The following MYO1A variants were observed in gnomAD, a reference collection of about 807,000 sequenced individuals.
MYO1A encodes unconventional myosin-Ia.
A neutral mutation model predicts 138.5 loss-of-function variants in MYO1A; 127 were observed. That is an observed-to-expected ratio of 0.92 (90% CI 0.79 to 1.06). The LOEUF (loss-of-function observed/expected upper bound fraction) is 1.06. MYO1A is among the 50% of genes least tolerant of loss of function. The pLI, the probability that MYO1A is intolerant of heterozygous loss-of-function variation, is 0.00. For missense variants in MYO1A, 1,211 were observed against 1,288.8 expected, an observed-to-expected ratio of 0.94 and a Z score of 0.92; for synonymous variants, 477 against 497.5, an observed-to-expected ratio of 0.96 and a Z score of 0.55.
intron 22 of MYO1A, among the ~76,000 whole-genome samples, chr12:57,034,090 C>T (rs2030417728): frequency 6.6e-6 from 1 of 152,224 alleles, no homozygotes; most frequent in Non-Finnish European, 1.5e-5. Flanking sequence ...AAGTTCTGCC[C>T]TTTCCTATGC....
chr12:57,049,635 C>T (rs941967512), intron 1 of MYO1A, among the ~76,000 whole-genome samples: 35 of 152,212 alleles, frequency 2.3e-4, no homozygotes, highest in Non-Finnish European at 1.0e-4. Flanking sequence ...TTAGTGCTTA[C>T]AATATCCCCA....
Position 57,048,348 on chromosome 12 carries a change from G to C in MYO1A, c.-20-5C>G. ...TGTCCAGAGGGGCCACTGATCCTGG[G>C]AATAAGAGGCACAGTTTGCTGATGT... is the stretch of plus-strand genomic sequence containing the variant. On this transcript the variant is annotated splice_polypyrimidine_tract_variant and splice_region_variant and intron_variant, in intron 1 of 27. Coordinates refer to ENST00000300119, the MANE Select transcript of MYO1A (RefSeq NM_005379.4). 6.5e-7 allele frequency: 1 copy of C among 1,544,526 alleles called. No homozygotes were observed. The highest frequency in any genetic ancestry group is 9.0e-7 in the Non-Finnish European group (1 of 1,117,056).
In MYO1A at chr12:57,045,165, T is replaced by C. The variant is rs533513660; in HGVS notation, c.641-956A>G. ...AACTTGTGGGTTGGGACTGTGTTTC[T>C]CATCTCCATATTCTGTGTGCCTTTC... On this transcript the variant is annotated intron_variant, in intron 8 of 27. Coordinates refer to ENST00000300119, the MANE Select transcript of MYO1A (RefSeq NM_005379.4). Among the ~76,000 whole-genome samples the C allele has an allele frequency of 7.9e-5, 12 of 152,358 alleles. No homozygotes were observed. The South Asian group carries it at 2.3e-3, about 29-fold the overall frequency.
At chr12:57,036,574 G>C (rs1422043247) in intron 21 of MYO1A, among the ~76,000 whole-genome samples, 193 bp from the exon 22 acceptor site, 1 of 152,186 alleles carries the variant, frequency 6.6e-6, no homozygotes, top group Non-Finnish European at 1.5e-5. Context: ...TGCCAAGTTA[G>C]GCATCTACCC....
intron 22 of MYO1A, among the ~76,000 whole-genome samples, chr12:57,034,069 C>G (rs184378360): frequency 7.5e-4 from 114 of 152,362 alleles, no homozygotes; most frequent in Non-Finnish European, 1.3e-3. Flanking sequence ...ATTGTTTGTT[C>G]TAGAACTAGA....
chr12:57,047,271 A>G (rs2031142974), intron 5 of MYO1A, 32 bp downstream of exon 5: 1 of 1,597,850 alleles, frequency 6.3e-7, no homozygotes, highest in African/African-American at 1.3e-5. Context: ...GGTTAGATGG[A>G]GGGTGGAGAG....
At chr12:57,031,726 T>A (rs537871368) in intron 22 of MYO1A, among the ~76,000 whole-genome samples, 4 of 152,314 alleles carry the variant, frequency 2.6e-5, no homozygotes, top group Non-Finnish European at 5.9e-5. Flanking sequence ...AGCTGAGGGA[T>A]CCAGACCCTC....
At chr12:57,047,743 A>G (rs1267639891) in intron 3 of MYO1A, 22 bp from the exon 4 acceptor site, 2 of 1,613,800 alleles carry the variant, frequency 1.2e-6, no homozygotes, top group African/African-American at 2.7e-5. Flanking sequence ...GAAGTGGGCA[A>G]TGACTATTGT....
In MYO1A at chr12:57,039,291, A is replaced by G. The variant is rs2030749994; in HGVS notation, c.1270-17T>C. 6.2e-7 allele frequency: 1 copy of G among 1,607,804 alleles called. No individual in the cohort carries two copies. Among genetic ancestry groups the G allele is most frequent in the Admixed American group, 1.7e-5 (1 of 59,992 alleles). The stretch of plus-strand genomic sequence containing the variant: ...CGGTATGCCCTGGTCAGGGGAGACA[A>G]CAAATTACAGGGAACACGTCCAAGA... On this transcript the variant is annotated splice_polypyrimidine_tract_variant and intron_variant, in intron 14 of 27. Coordinates refer to ENST00000300119, the MANE Select transcript of MYO1A (RefSeq NM_005379.4).
intron 19 of MYO1A, 85 bp downstream of exon 19, chr12:57,037,463 A>ACACG: frequency 8.5e-7 from 1 of 1,181,008 alleles, no homozygotes; most frequent in African/African-American, 1.5e-5. Context: ...TCCAGGTTAT[A>ACACG]CACGCTCCCT....
At chr12:57,046,013 T>C (rs2136457047) in intron 8 of MYO1A, among the ~76,000 whole-genome samples, 1 of 152,330 alleles carries the variant, frequency 6.6e-6, no homozygotes, top group Non-Finnish European at 1.5e-5. Context: ...TAATATTTGA[T>C]CATAGGTGTT....
intron 12 of MYO1A, among the ~76,000 whole-genome samples, chr12:57,041,955 T>C (rs2030878738): frequency 6.6e-6 from 1 of 152,262 alleles, no homozygotes; most frequent in Non-Finnish European, 1.5e-5. Flanking sequence ...AGCTTCTAAA[T>C]AGATGGCACT....
Position 57,041,454 on chromosome 12 carries a change from A to C in MYO1A, c.1142T>G (p.Ile381Ser). 6.2e-7 allele frequency: 1 copy of C among 1,613,870 alleles called. No homozygotes were observed. The highest frequency in any genetic ancestry group is 8.5e-7 in the Non-Finnish European group (1 of 1,179,742). The change falls in exon 13 of 28, where the codon ATC (isoleucine) becomes AGC (serine). Residue 381 changes from isoleucine (I) to serine (S), a missense_variant. Coordinates refer to ENST00000300119, the MANE Select transcript of MYO1A (RefSeq NM_005379.4). ...CACCTCTAATATCTCAAAACCGTAGATATCAAGGACTCCCATTACCTTCTT... is the reference window on the plus strand; with the variant it reads ...CACCTCTAATATCTCAAAACCGTAGCTATCAAGGACTCCCATTACCTTCTT... ...EKKKVMGVLD[I>S]YGFEILEDNS...
At chr12:57,049,406 G>A (rs759656109) in intron 1 of MYO1A, among the ~76,000 whole-genome samples, 6 of 152,212 alleles carry the variant, frequency 3.9e-5, no homozygotes, top group South Asian at 2.1e-4. Context: ...GTGGAGGAGC[G>A]GAGGAAGGAG....
Position 57,030,317 on chromosome 12 carries a change from C to T in MYO1A, c.2485-1G>A, listed in dbSNP as rs757315549. 5 of 1,605,498 alleles carry T rather than the reference C, an allele frequency of 3.1e-6. No individual in the cohort carries two copies. In the South Asian group the frequency reaches 4.4e-5, roughly 14 times the overall value. On this transcript the variant is annotated splice_acceptor_variant, in intron 23 of 27. Transcript: ENST00000300119. LOFTEE classifies it high-confidence loss of function. ...ACAGCTGATCCCGGAACCTCTTGCACTGTGAGGAAGGAGGGACAGGAGCTA... is the reference window on the plus strand; with the variant it reads ...ACAGCTGATCCCGGAACCTCTTGCATTGTGAGGAAGGAGGGACAGGAGCTA...
chr12:57,030,362 C>A, intron 23 of MYO1A, 46 bp from the exon 24 acceptor site: 14 of 1,337,460 alleles, frequency 1.0e-5, no homozygotes, highest in Non-Finnish European at 1.4e-5. Context: ...AGTGGGAGGG[C>A]AGGGCTGGGG....
intron 23 of MYO1A, 150 bp downstream of exon 23, chr12:57,030,890 A>T: frequency 9.9e-7 from 1 of 1,007,352 alleles, no homozygotes; most frequent in South Asian, 1.7e-5. Flanking sequence ...TATACACTTA[A>T]ACACCGTTAA....
chr12:57,039,414 A>G (rs1321045174), intron 14 of MYO1A, 140 bp from the exon 15 acceptor site: 5 of 726,986 alleles, frequency 6.9e-6, no homozygotes, highest in South Asian at 2.9e-5. Context: ...TATGATTTCT[A>G]TTTATGTCCC....
chr12:57,046,655 CA>C lies in MYO1A; in HGVS notation c.542-6del. Reference sequence around the variant, plus strand: ...ATCGGGATTTCTCAAGCAGATCTGGCAGAGAATTAGAAAAATAATATCCTGA... The same window carrying C: ...ATCGGGATTTCTCAAGCAGATCTGGCGAGAATTAGAAAAATAATATCCTGA... On this transcript the variant is annotated splice_polypyrimidine_tract_variant and splice_region_variant and intron_variant, in intron 7 of 27. Coordinates refer to ENST00000300119, the MANE Select transcript of MYO1A (RefSeq NM_005379.4). 3.1e-6 allele frequency: 5 copies of C among 1,612,622 alleles called. No homozygotes were observed. The highest frequency in any genetic ancestry group is 4.2e-6 in the Non-Finnish European group (5 of 1,178,714).
Sources: allele counts gnomAD v4.1 joint callset (sites outside exome capture counted in the v4.1 genomes callset), GRCh38; gene constraint gnomAD v4.1.1; transcripts MANE v1.5; gene names NCBI Gene and HGNC (gene_info 2026-07-23, HGNC 2026-07-21).